MME: variants seen among roughly 807,000 people sequenced by gnomAD.
MME encodes the protein membrane metalloendopeptidase.
A neutral mutation model predicts 113.2 loss-of-function variants in MME; 98 were observed. The ratio of observed to expected loss-of-function variants is 0.87; its 90% CI spans 0.74 to 1.02. MME has a LOEUF of 1.02. Ranked by LOEUF, MME falls within the 50% of genes least tolerant of loss-of-function variation. MME has a pLI of 0.00. For missense variants in MME, 836 were observed against 896.0 expected (o/e 0.93, Z 0.86); for synonymous variants, 292 against 300.6 (o/e 0.97, Z 0.30).
At chr3:155,176,712 G>C (rs987098200) in intron 22 of MME, among the ~76,000 whole-genome samples, 22 of 152,114 alleles carry the variant, frequency 1.4e-4, no homozygotes, top group African/African-American at 5.1e-4. Context: ...TGTAGTTCCA[G>C]CTACTTGGGA....
intron 17 of MME, among the ~76,000 whole-genome samples, chr3:155,161,531 G>A (rs1223435173): frequency 6.6e-6 from 1 of 151,874 alleles, no homozygotes; most frequent in East Asian, 1.9e-4. Flanking sequence ...AAAATAAATT[G>A]TATATTTTTA....
chr3:155,101,917 T>G (rs1717264169), intron 3 of MME, among the ~76,000 whole-genome samples: 1 of 152,210 alleles, frequency 6.6e-6, no homozygotes, highest in Non-Finnish European at 1.5e-5. Flanking sequence ...CTTCATTTAC[T>G]GAGGAAGGAG....
In MME at chr3:155,039,479, C is replaced by G. The variant is rs1270020081; in HGVS notation, c.-11+15155C>G. On this transcript the variant is annotated intron_variant, in intron 1 of 22. Transcript: ENST00000492661. ...TTAACTGAGATTCAGTCAGCTGATA[C>G]TGAATAAGTACCCTTCATTTTCTAA... Among the ~76,000 whole-genome samples, 9 of 152,236 alleles carry G rather than the reference C, an allele frequency of 5.9e-5. No homozygotes were observed. In the South Asian group the frequency reaches 8.3e-4, roughly 14 times the overall value.
chr3:155,048,775 T>C (rs964105022), intron 1 of MME, among the ~76,000 whole-genome samples: 6 of 152,166 alleles, frequency 3.9e-5, no homozygotes, highest in Admixed American at 6.5e-5. Context: ...ATACTCATTA[T>C]TTTGTCTTTG....
intron 3 of MME, among the ~76,000 whole-genome samples, chr3:155,109,762 A>G (rs1040642258): frequency 2.0e-5 from 3 of 152,170 alleles, no homozygotes; most frequent in African/African-American, 4.8e-5. Flanking sequence ...GTGTGTCTAA[A>G]AGGCTTCTCA....
intron 3 of MME, among the ~76,000 whole-genome samples, chr3:155,101,621 A>AAGAAGG (rs1717233558): frequency 2.0e-5 from 3 of 152,146 alleles, no homozygotes; most frequent in Admixed American, 1.3e-4. Flanking sequence ...TGGGACTGAA[A>AAGAAGG]TCTAGCTTAG....
At chr3:155,072,574 G>T (rs990747108) in intron 1 of MME, among the ~76,000 whole-genome samples, 8 of 152,166 alleles carry the variant, frequency 5.3e-5, no homozygotes, top group East Asian at 1.9e-4. Context: ...TGTTTGTTTG[G>T]TTGGTTGGTT....
At chr3:155,172,313 A>G (rs1712060947) in intron 21 of MME, 101 bp downstream of exon 21, 3 of 862,270 alleles carry the variant, frequency 3.5e-6, no homozygotes, top group Non-Finnish European at 2.0e-6. Flanking sequence ...TTTACAGAGC[A>G]TTTGACTTGA....
chr3:155,080,161 G>C (rs577393872), upstream of MME: 32 of 152,598 alleles, frequency 2.1e-4, no homozygotes, highest in African/African-American at 7.0e-4. Context: ...GGTCCAGCGC[G>C]ATCCGAGCGC....
chr3:155,168,674 A>G lies in MME; in HGVS notation c.1914+49A>G, dbSNP rs998453172. 7.4e-6 allele frequency: 12 copies of G among 1,612,816 alleles called. No individual in the cohort carries two copies. In the African/African-American group the frequency reaches 9.3e-5, roughly 13 times the overall value. ...AAAGTTTTAGACATGTTCAATCTTAAGTGTATTATTGGTGGTTTCTTTTTT... is the reference window on the plus strand; with the variant it reads ...AAAGTTTTAGACATGTTCAATCTTAGGTGTATTATTGGTGGTTTCTTTTTT... On this transcript the variant is annotated intron_variant, in intron 19 of 22. Coordinates refer to ENST00000360490, the MANE Select transcript of MME (RefSeq NM_007289.4).
chr3:155,100,798 C>G (rs964307136), intron 3 of MME, among the ~76,000 whole-genome samples: 2 of 152,198 alleles, frequency 1.3e-5, no homozygotes, highest in Non-Finnish European at 2.9e-5. Context: ...GCAGCAGGAT[C>G]ACTTGAGCCC....
intron 1 of MME, among the ~76,000 whole-genome samples, chr3:155,046,061 C>T (rs927243236): frequency 2.0e-5 from 3 of 152,172 alleles, no homozygotes; most frequent in Admixed American, 2.0e-4. Context: ...TTTTCTTCAA[C>T]TAGCTTTTGT....
intron 1 of MME, chr3:155,081,537 G>A (rs541285023): frequency 3.0e-4 from 46 of 151,838 alleles, no homozygotes; most frequent in African/African-American, 1.0e-3. Flanking sequence ...CACATCTTCA[G>A]TTGAAGTGAA....
In MME at chr3:155,097,739, G is replaced by C. The variant is rs1716859527; in HGVS notation, c.196+12645G>C. 2.0e-5 allele frequency among the ~76,000 whole-genome samples: 3 copies of C among 152,192 alleles called. 1 individual carries two copies. ...AGGAAGTTGAATGGGTCATCATCCA[G>C]TTGCCTTTGTGAAGTAACAAACAAA... On this transcript the variant is annotated intron_variant, in intron 3 of 22. Coordinates refer to ENST00000360490, the MANE Select transcript of MME (RefSeq NM_007289.4).
intron 8 of MME, 102 bp downstream of exon 8, chr3:155,118,913 GT>G: frequency 1.3e-6 from 1 of 778,310 alleles, no homozygotes. Context: ...GCCCTCTGAT[GT>G]TTTTCATTCA....
chr3:155,168,881 A>G, intron 20 of MME, 84 bp downstream of exon 20: 1 of 1,191,040 alleles, frequency 8.4e-7, no homozygotes, highest in Non-Finnish European at 1.2e-6. Context: ...TTTTGCAAAA[A>G]AAGAAACTCA....
chr3:155,094,249 G>A (rs1366089414), intron 3 of MME, among the ~76,000 whole-genome samples: 1 of 152,126 alleles, frequency 6.6e-6, no homozygotes, highest in Non-Finnish European at 1.5e-5. Context: ...TGTAAGTTTT[G>A]GCCACATCCT....
At chr3:155,106,986 A>AT (rs1179671049) in intron 3 of MME, among the ~76,000 whole-genome samples, 1 of 152,228 alleles carries the variant, frequency 6.6e-6, no homozygotes, top group African/African-American at 2.4e-5. Flanking sequence ...AGCTTAGGCA[A>AT]TTTGAAGACA....
intron 2 of MME, among the ~76,000 whole-genome samples, chr3:155,084,766 T>A (rs1715511508): frequency 6.6e-6 from 1 of 152,194 alleles, no homozygotes; most frequent in African/African-American, 2.4e-5. Context: ...GTTAAAAAAA[T>A]GATTACCAAG....
Sources: allele counts gnomAD v4.1 joint callset (sites outside exome capture counted in the v4.1 genomes callset), GRCh38; gene constraint gnomAD v4.1.1; transcripts MANE v1.5; gene names NCBI Gene and HGNC (gene_info 2026-07-23, HGNC 2026-07-21).